The following MFF variants were observed in gnomAD, a reference collection of about 807,000 sequenced individuals.
MFF encodes chromosome 2 open reading frame 33.
MFF carries 12 observed loss-of-function variants against 36.9 expected under a neutral mutation model. The observed-to-expected ratio is 0.33, with a 90% CI of 0.21 to 0.53. MFF has a LOEUF of 0.53. MFF is among the 20% of genes least tolerant of loss of function. The pLI is 0.95. For synonymous variants in MFF, 99 were observed against 126.2 expected (o/e 0.78, Z 1.44); for missense variants, 348 against 366.6 (o/e 0.95, Z 0.42).
At chr2:227,343,693 T>C (rs2075548767) in intron 5 of MFF, among the ~76,000 whole-genome samples, 1 of 152,210 alleles carries the variant, frequency 6.6e-6, no homozygotes, top group Non-Finnish European at 1.5e-5. Context: ...AAAGAGGTAC[T>C]TGATTTTGAA....
At chr2:227,342,609 T>A in intron 5 of MFF, 1 of 628,322 alleles carries the variant, frequency 1.6e-6, no homozygotes, top group Admixed American at 3.1e-5. Context: ...TTTGTTTTCT[T>A]AATTACTTCG....
intron 4 of MFF, among the ~76,000 whole-genome samples, chr2:227,338,822 A>G (rs1186238459): frequency 2.7e-5 from 4 of 150,074 alleles, no homozygotes; most frequent in African/African-American, 7.3e-5. Flanking sequence ...GCGACAGAAC[A>G]AGACTCTGTC....
At chr2:227,342,009 T>C (rs1432156429) in intron 5 of MFF, among the ~76,000 whole-genome samples, 1 of 152,170 alleles carries the variant, frequency 6.6e-6, no homozygotes, top group Non-Finnish European at 1.5e-5. Context: ...ATGATATAGA[T>C]GTTTTTGTAT....
intron 1 of MFF, among the ~76,000 whole-genome samples, chr2:227,326,835 A>G (rs1486078055): frequency 6.6e-6 from 1 of 152,128 alleles, no homozygotes; most frequent in Non-Finnish European, 1.5e-5. Flanking sequence ...TGAAAAGTAC[A>G]TAAACATTTG....
At chr2:227,330,584 C>A in intron 2 of MFF, 42 bp from the exon 3 acceptor site, 1 of 1,274,122 alleles carries the variant, frequency 7.8e-7, no homozygotes. Context: ...AGGAGACTGA[C>A]ATTTTAACAG....
At chr2:227,340,591 T>C (rs981550530) in intron 5 of MFF, 2 of 473,194 alleles carry the variant, frequency 4.2e-6, no homozygotes, top group African/African-American at 3.9e-5. Flanking sequence ...CTGTGTAGTA[T>C]GATTTGCTAA....
intron 7 of MFF, among the ~76,000 whole-genome samples, chr2:227,353,142 A>G (rs1391084814): frequency 6.6e-6 from 1 of 152,132 alleles, no homozygotes; most frequent in Non-Finnish European, 1.5e-5. Context: ...CCCTTTTTAC[A>G]CTTTCAGACA....
intron 4 of MFF, among the ~76,000 whole-genome samples, chr2:227,335,105 G>A (rs1251977773): frequency 2.0e-5 from 3 of 150,428 alleles, no homozygotes; most frequent in Non-Finnish European, 4.4e-5. Flanking sequence ...CCGGGGTGGA[G>A]GTAGCAGTGA....
At chr2:227,338,752 C>G (rs2075197517) in intron 4 of MFF, among the ~76,000 whole-genome samples, 1 of 151,916 alleles carries the variant, frequency 6.6e-6, no homozygotes, top group South Asian at 2.1e-4. Context: ...ATTGCTTGAA[C>G]CCGGGAGGCA....
chr2:227,334,614 G>A (rs1438260856), intron 4 of MFF, among the ~76,000 whole-genome samples: 2 of 152,168 alleles, frequency 1.3e-5, no homozygotes, highest in Non-Finnish European at 1.5e-5. Flanking sequence ...ATGAGGTAGA[G>A]CAATAGTGCT....
intron 4 of MFF, among the ~76,000 whole-genome samples, chr2:227,338,272 G>A (rs531971355): frequency 1.3e-5 from 2 of 151,754 alleles, no homozygotes; most frequent in South Asian, 4.2e-4. Context: ...GGGAGGGTGA[G>A]GCATGAGAAT....
chr2:227,332,775 A>G (rs2074696212), intron 4 of MFF, among the ~76,000 whole-genome samples, 187 bp downstream of exon 4: 1 of 152,244 alleles, frequency 6.6e-6, no homozygotes, highest in African/African-American at 2.4e-5. Context: ...TTTGAATATT[A>G]TGTTTTAGGA....
At chr2:227,335,911 T>C (rs557563850) in intron 4 of MFF, among the ~76,000 whole-genome samples, 3 of 152,338 alleles carry the variant, frequency 2.0e-5, no homozygotes, top group African/African-American at 7.2e-5. Context: ...TTCTGTCTGC[T>C]GGGAACTAAC....
rs575317179 is a variant in MFF at position 227,332,657 on chromosome 2, G to A, written c.351+69G>A. The A allele has an allele frequency of 2.6e-4, 299 of 1,138,868 alleles. 3 individuals carry two copies. The South Asian group carries it at 3.4e-3, about 13-fold the overall frequency. 70.5% of individuals were successfully genotyped at this position (1,138,868 alleles called of 1,614,324 possible). Reference sequence around the variant, plus strand: ...CAAAGGTAAAAGAGAAGAGCAAAGAGGCTTTATCATATCTTTAGCAATATG... The same window carrying A: ...CAAAGGTAAAAGAGAAGAGCAAAGAAGCTTTATCATATCTTTAGCAATATG... On this transcript the variant is annotated intron_variant, in intron 4 of 8. Coordinates refer to ENST00000304593, the MANE Select transcript of MFF (RefSeq NM_001277062.2).
chr2:227,338,494 T>TCA (rs927375457), intron 4 of MFF, among the ~76,000 whole-genome samples: 1 of 152,076 alleles, frequency 6.6e-6, no homozygotes, highest in African/African-American at 2.4e-5. Flanking sequence ...AGTCCTTAAT[T>TCA]CACACACTAT....
At chr2:227,332,174 G>A (rs374339713) in intron 3 of MFF, among the ~76,000 whole-genome samples, 24 of 150,502 alleles carry the variant, frequency 1.6e-4, no homozygotes, top group African/African-American at 5.1e-4. Flanking sequence ...GGGTTTCACC[G>A]TTTTAGCCGG....
intron 4 of MFF, among the ~76,000 whole-genome samples, chr2:227,336,885 T>G (rs1486698758): frequency 2.0e-5 from 3 of 152,242 alleles, no homozygotes; most frequent in Non-Finnish European, 4.4e-5. Context: ...CATAGCTATA[T>G]GACATATCCT....
chr2:227,346,490 T>C (rs1234659583), intron 5 of MFF, among the ~76,000 whole-genome samples: 2 of 152,140 alleles, frequency 1.3e-5, no homozygotes, highest in African/African-American at 4.8e-5. Flanking sequence ...AGCCCACACA[T>C]GAAAGAACGA....
Position 227,347,287 on chromosome 2 carries a change from G to A in MFF, c.502G>A (p.Ala168Thr). The A allele has an allele frequency of 3.7e-6, 6 of 1,613,750 alleles. No individual in the cohort carries two copies. Among genetic ancestry groups the A allele is most frequent in the Non-Finnish European group, 5.1e-6 (6 of 1,179,716 alleles). Reference protein sequence around the residue: ...CPPHMLPEDGANLSSARGILS... With the variant: ...CPPHMLPEDGTNLSSARGILS... Reference sequence around the variant, plus strand: ...TCCCCATATGTTACCTGAAGATGGAGCTAATCTTTCCTCTGCTCGTGGCAT... The same window carrying A: ...TCCCCATATGTTACCTGAAGATGGAACTAATCTTTCCTCTGCTCGTGGCAT... Residue 168 changes from alanine (A) to threonine (T), a missense_variant, in exon 6 of 9, where the codon GCT (alanine) becomes ACT (threonine). Ala to Thr is a moderately conservative substitution (Grantham distance 58). Coordinates refer to ENST00000304593, the MANE Select transcript of MFF (RefSeq NM_001277062.2).
Sources: gnomAD v4.1 joint callset for allele counts (sites outside exome capture counted in the v4.1 genomes callset) on GRCh38, gnomAD v4.1.1 for gene constraint, MANE v1.5 for transcripts, NCBI Gene and HGNC (gene_info 2026-07-23, HGNC 2026-07-21) for gene names.